DMD: variants seen among roughly 807,000 people sequenced by gnomAD.
DMD encodes dystrophin.
Under a neutral mutation model 330.1 loss-of-function variants are expected in DMD, and 63 were observed. That is an observed-to-expected ratio of 0.19 (90% CI 0.16 to 0.24). DMD has a LOEUF of 0.24. Among genes scored for constraint, DMD ranks in the 10% least tolerant of loss-of-function variants. The pLI is 1.00. For missense variants in DMD, 3,344 were observed against 2,684.1 expected, an observed-to-expected ratio of 1.25 and a Z score of -5.43; for synonymous variants, 1,223 against 959.8, an observed-to-expected ratio of 1.27 and a Z score of -5.07.
At chrX:31,341,082 C>G (rs955074091) in intron 61 of DMD, among the ~76,000 whole-genome samples, 1 of 112,003 alleles carries the variant, frequency 8.9e-6, no homozygotes, top group African/African-American at 3.2e-5. Flanking sequence ...ATGAAACTTT[C>G]ATGACTAGTT....
intron 7 of DMD, among the ~76,000 whole-genome samples, chrX:32,782,797 A>G (rs1171220358): frequency 9.1e-6 from 1 of 109,450 alleles, no homozygotes; most frequent in African/African-American, 3.3e-5. Context: ...TTGAGGTGAC[A>G]TGCTATTCTC....
intron 1 of DMD, among the ~76,000 whole-genome samples, chrX:33,168,157 T>A (rs1407198451): frequency 9.0e-6 from 1 of 110,891 alleles, no homozygotes; most frequent in African/African-American, 3.3e-5. Context: ...TAAAATATTT[T>A]ATCTAAGTTT....
intron 9 of DMD, among the ~76,000 whole-genome samples, chrX:32,679,258 G>A (rs898992687): frequency 3.6e-5 from 4 of 110,142 alleles, no homozygotes; most frequent in African/African-American, 1.3e-4. Flanking sequence ...GTTAATAGAA[G>A]GAAAGAATAA....
intron 44 of DMD, among the ~76,000 whole-genome samples, chrX:32,039,314 G>T (rs2095979374): frequency 9.0e-6 from 1 of 111,360 alleles, no homozygotes; most frequent in Non-Finnish European, 1.9e-5. Flanking sequence ...CATTTTACAG[G>T]CGAGGGCACA....
At chrX:32,444,649 T>A (rs746972022) in intron 27 of DMD, among the ~76,000 whole-genome samples, 1 of 111,077 alleles carries the variant, frequency 9.0e-6, no homozygotes, top group Non-Finnish European at 1.9e-5. Context: ...AAAAAGGGCT[T>A]GGTTGCCTAC....
chrX:32,115,272 G>A (rs914177139), intron 44 of DMD, among the ~76,000 whole-genome samples: 1 of 111,521 alleles, frequency 9.0e-6, no homozygotes, highest in Admixed American at 9.6e-5. Context: ...GTCTCACTCT[G>A]TTGCCCAGGC....
intron 50 of DMD, among the ~76,000 whole-genome samples, chrX:31,818,202 C>G (rs2092678914): frequency 8.9e-6 from 1 of 112,043 alleles, no homozygotes; most frequent in African/African-American, 3.2e-5. Context: ...ATTATTGAGA[C>G]AGTATATATT....
intron 44 of DMD, among the ~76,000 whole-genome samples, chrX:32,024,135 C>G (rs1210786677): frequency 8.9e-6 from 1 of 111,889 alleles, no homozygotes; most frequent in Non-Finnish European, 1.9e-5. Flanking sequence ...TCTTTGGAAA[C>G]AGTTAAATGA....
chrX:31,639,903 T>C (rs757854360), intron 54 of DMD, among the ~76,000 whole-genome samples: 42 of 110,963 alleles, frequency 3.8e-4, no homozygotes, highest in Admixed American at 1.9e-4. Flanking sequence ...AAACCACCGA[T>C]ACAGAGCCAC....
At chrX:31,379,851 G>A (rs2060071927) in intron 60 of DMD, among the ~76,000 whole-genome samples, 1 of 111,844 alleles carries the variant, frequency 8.9e-6, no homozygotes, top group Non-Finnish European at 1.9e-5. Flanking sequence ...TGTCCCATCT[G>A]TGGAGGACCC....
chrX:32,829,470 C>A (rs932796958), intron 4 of DMD, among the ~76,000 whole-genome samples: 7 of 111,298 alleles, frequency 6.3e-5, no homozygotes, highest in African/African-American at 2.3e-4. Flanking sequence ...TGCGTCTTTT[C>A]TCATTTATCT....
At chrX:31,368,418 A>G (rs1332345337) in intron 60 of DMD, among the ~76,000 whole-genome samples, 1 of 111,809 alleles carries the variant, frequency 8.9e-6, no homozygotes, top group Non-Finnish European at 1.9e-5. Context: ...CTCAGATCCA[A>G]TGCTTGCCCA....
chrX:33,094,376 A>G (rs190008543), intron 1 of DMD, among the ~76,000 whole-genome samples: 14 of 112,190 alleles, frequency 1.2e-4, no homozygotes, highest in African/African-American at 4.5e-4. Flanking sequence ...AAATCTTAAG[A>G]AAAAAGAGCC....
In DMD at chrX:31,421,914, C is replaced by CATAT. The variant is rs1266640554; in HGVS notation, c.9084+22563_9084+22566dup. Among the ~76,000 whole-genome samples the CATAT allele has an allele frequency of 1.6e-4, 10 of 64,091 alleles. 1 individual carries two copies. The highest frequency in any genetic ancestry group is 1.2e-3 in the Admixed American group (7 of 5,827). The allele number at this position is 64,091 out of a possible 115,157, so 55.7% of individuals were successfully genotyped here. ...ATATATATATATACACACACACACA[C>CATAT]ATATATATATATATATATACACACA... On this transcript the variant is annotated intron_variant, in intron 60 of 78. Coordinates refer to ENST00000357033, the MANE Select transcript of DMD (RefSeq NM_004006.3).
intron 12 of DMD, among the ~76,000 whole-genome samples, chrX:32,599,613 G>C (rs2055955064): frequency 1.8e-5 from 2 of 108,918 alleles, no homozygotes; most frequent in African/African-American, 6.5e-5. Context: ...TGCATCCCTA[G>C]AGAAGTACAC....
intron 1 of DMD, among the ~76,000 whole-genome samples, chrX:33,286,989 G>A (rs923904896): frequency 8.9e-5 from 10 of 111,877 alleles, no homozygotes; most frequent in Admixed American, 3.8e-4. Flanking sequence ...AATGGAAGAC[G>A]TCTGGATCCT....
At chrX:31,217,463 G>A (rs750585368) in intron 64 of DMD, among the ~76,000 whole-genome samples, 2 of 111,993 alleles carry the variant, frequency 1.8e-5, no homozygotes, top group Non-Finnish European at 3.8e-5. Flanking sequence ...CTTAATAGAG[G>A]TGGAAGTGCA....
intron 63 of DMD, among the ~76,000 whole-genome samples, chrX:31,243,045 A>C (rs948002942): frequency 1.8e-5 from 2 of 111,577 alleles, no homozygotes; most frequent in African/African-American, 6.5e-5. Flanking sequence ...AACAGGGATC[A>C]TGCCTTATAC....
chrX:32,845,546 T>A (rs1230312017), intron 3 of DMD, among the ~76,000 whole-genome samples: 2 of 111,949 alleles, frequency 1.8e-5, no homozygotes, highest in Non-Finnish European at 3.8e-5. Flanking sequence ...TATTAGCTAT[T>A]GCCCAGAGAA....
Sources: allele counts gnomAD v4.1 joint callset (sites outside exome capture counted in the v4.1 genomes callset), GRCh38; gene constraint gnomAD v4.1.1; transcripts MANE v1.5; gene names NCBI Gene and HGNC (gene_info 2026-07-23, HGNC 2026-07-21).